Variants in PEX5L observed in about 807,000 individuals in gnomAD.
PEX5L encodes PEX5-related protein.
Under a neutral mutation model 84.0 loss-of-function variants are expected in PEX5L, and 30 were observed. That is an observed-to-expected ratio of 0.36 (90% confidence interval 0.27 to 0.48). The LOEUF (loss-of-function observed/expected upper bound fraction) is 0.48. Ranked by LOEUF, PEX5L falls within the 20% of genes least tolerant of loss-of-function variation. The pLI is 0.99. For missense variants in PEX5L, 533 were observed against 754.6 expected, an observed-to-expected ratio of 0.71 and a Z score of 3.44; for synonymous variants, 270 against 283.1, an observed-to-expected ratio of 0.95 and a Z score of 0.46.
chr3:179,915,180 T>C (rs1006871901), intron 2 of PEX5L, among the ~76,000 whole-genome samples: 7 of 152,148 alleles, frequency 4.6e-5, no homozygotes, highest in Non-Finnish European at 7.3e-5. Context: ...CAAATATTTG[T>C]TGAATGATTT....
chr3:179,888,356 G>A (rs1174452622), intron 3 of PEX5L, among the ~76,000 whole-genome samples: 1 of 152,048 alleles, frequency 6.6e-6, no homozygotes, highest in South Asian at 2.1e-4. Context: ...TTTTGGGAGA[G>A]TAGAAAATAT....
chr3:179,958,159 C>T (rs1316473452), intron 2 of PEX5L, among the ~76,000 whole-genome samples: 1 of 152,152 alleles, frequency 6.6e-6, no homozygotes, highest in Non-Finnish European at 1.5e-5. Flanking sequence ...TCATATATGG[C>T]ATATCTTTCC....
chr3:179,951,620 A>G (rs1483271113), intron 2 of PEX5L, among the ~76,000 whole-genome samples: 1 of 152,224 alleles, frequency 6.6e-6, no homozygotes, highest in Non-Finnish European at 1.5e-5. Flanking sequence ...ATAGCAGAGC[A>G]AAGAGCTGGA....
intron 2 of PEX5L, among the ~76,000 whole-genome samples, chr3:179,952,405 C>CG (rs1578883016): frequency 1.3e-5 from 2 of 151,992 alleles, no homozygotes; most frequent in East Asian, 3.9e-4. Flanking sequence ...AAGAAAAGGT[C>CG]GGGGGGTGTG....
chr3:179,819,643 C>T (rs1727650917), intron 9 of PEX5L, among the ~76,000 whole-genome samples: 4 of 152,112 alleles, frequency 2.6e-5, no homozygotes, highest in Admixed American at 1.3e-4. Context: ...GTCTGAACAC[C>T]GATAAAAATA....
At chr3:179,850,961 G>A (rs1011749791) in intron 8 of PEX5L, among the ~76,000 whole-genome samples, 1 of 152,102 alleles carries the variant, frequency 6.6e-6, no homozygotes, top group African/African-American at 2.4e-5. Flanking sequence ...GTTCAAGAAT[G>A]GTCTCCAATT....
intron 8 of PEX5L, among the ~76,000 whole-genome samples, chr3:179,837,941 T>G (rs1393192252): frequency 6.6e-6 from 1 of 152,178 alleles, no homozygotes; most frequent in Non-Finnish European, 1.5e-5. Context: ...CTCTCAGTAT[T>G]ATCCTCCTGA....
intron 2 of PEX5L, among the ~76,000 whole-genome samples, chr3:179,930,341 C>A (rs1772707748): frequency 6.6e-6 from 1 of 152,138 alleles, no homozygotes; most frequent in African/African-American, 2.4e-5. Flanking sequence ...AGATTAGTAG[C>A]TGCACTCCTG....
chr3:179,841,081 G>A (rs1465787562), intron 8 of PEX5L, among the ~76,000 whole-genome samples: 1 of 152,102 alleles, frequency 6.6e-6, no homozygotes, highest in Non-Finnish European at 1.5e-5. Context: ...GACTGGGAAC[G>A]CATCGCCAGT....
chr3:179,848,095 TC>T, intron 8 of PEX5L, among the ~76,000 whole-genome samples: 1 of 152,246 alleles, frequency 6.6e-6, no homozygotes, highest in East Asian at 1.9e-4. Flanking sequence ...AACCTGCAGA[TC>T]TCATTATTGT....
intron 1 of PEX5L, among the ~76,000 whole-genome samples, chr3:179,990,127 A>G (rs1787245732): frequency 6.6e-6 from 1 of 152,232 alleles, no homozygotes; most frequent in South Asian, 2.1e-4. Flanking sequence ...CAGTTACTTA[A>G]TACATTTAAA....
At chr3:180,026,729 A>T (rs1427152321) in intron 1 of PEX5L, among the ~76,000 whole-genome samples, 1 of 152,178 alleles carries the variant, frequency 6.6e-6, no homozygotes, top group Non-Finnish European at 1.5e-5. Context: ...ACGCAGGCTT[A>T]AAGAGAATTA....
chr3:180,024,381 CAA>C (rs112285009), intron 1 of PEX5L, among the ~76,000 whole-genome samples: 8,138 of 100,894 alleles, frequency 0.081, 1,291 homozygotes, highest in African/African-American at 0.29. Context: ...TATACACACA[CAA>C]AAAAAAAAAA....
intron 1 of PEX5L, among the ~76,000 whole-genome samples, chr3:180,022,413 T>C (rs2110511799): frequency 6.6e-6 from 1 of 152,292 alleles, no homozygotes; most frequent in East Asian, 1.9e-4. Context: ...TAAATGGATG[T>C]CTAAGATCAT....
intron 1 of PEX5L, among the ~76,000 whole-genome samples, chr3:180,029,028 C>T (rs1367882330): frequency 6.6e-6 from 1 of 152,154 alleles, no homozygotes; most frequent in African/African-American, 2.4e-5. Flanking sequence ...TTGGAATTCA[C>T]CTGATCACAT....
At chr3:179,875,232 A>G in intron 6 of PEX5L, 122 bp downstream of exon 6, 1 of 794,358 alleles carries the variant, frequency 1.3e-6, no homozygotes, top group Non-Finnish European at 2.0e-6. Flanking sequence ...AATAATTGGT[A>G]TTGTTATATA....
rs577559790 is a variant in PEX5L at position 179,888,228 on chromosome 3, G to A, written c.199-444C>T. The A allele has an allele frequency of 6.2e-5, 72 of 1,161,098 alleles. No individual in the cohort carries two copies. The Middle Eastern group carries it at 6.8e-4, about 11-fold the overall frequency. The allele number at this position is 1,161,098 out of a possible 1,614,324, so 71.9% of individuals were successfully genotyped here. On this transcript the variant is annotated intron_variant, in intron 3 of 14. Coordinates refer to ENST00000467460, the MANE Select transcript of PEX5L (RefSeq NM_016559.3). The stretch of plus-strand genomic sequence containing the variant: ...GTTTATGTGGGGAGTGCAAACACAC[G>A]GATCAGTGTGGGTGGATAAATGCCT...
At chr3:180,021,256 T>C (rs1256036908) in intron 1 of PEX5L, among the ~76,000 whole-genome samples, 1 of 152,156 alleles carries the variant, frequency 6.6e-6, no homozygotes, top group Non-Finnish European at 1.5e-5. Context: ...TTTGGGGACA[T>C]GTTCAAAATC....
chr3:179,892,763 A>G (rs527364599), intron 3 of PEX5L, among the ~76,000 whole-genome samples: 2 of 152,278 alleles, frequency 1.3e-5, no homozygotes, highest in Admixed American at 6.5e-5. Flanking sequence ...TTCTACCAAG[A>G]ATGTTAAGGC....
Sources: allele counts gnomAD v4.1 joint callset (sites outside exome capture counted in the v4.1 genomes callset), GRCh38; gene constraint gnomAD v4.1.1; transcripts MANE v1.5; gene names NCBI Gene and HGNC (gene_info 2026-07-23, HGNC 2026-07-21).